PEBP4: variants seen among roughly 807,000 people sequenced by gnomAD.
PEBP4 encodes the protein phosphatidylethanolamine-binding protein 4.
In PEBP4, 22 loss-of-function variants were observed where a neutral mutation model predicts 23.9. The observed-to-expected ratio is 0.92, with a 90% CI of 0.66 to 1.31. PEBP4 has a LOEUF of 1.31. Among genes scored for constraint, PEBP4 ranks in the 40% most tolerant of loss-of-function variants. The pLI is 0.00. For missense variants in PEBP4, 324 were observed against 281.7 expected, an observed-to-expected ratio of 1.15 and a Z score of -1.07; for synonymous variants, 112 against 99.3, an observed-to-expected ratio of 1.13 and a Z score of -0.76.
At chr8:22,925,187 T>C (rs1809298868) in intron 2 of PEBP4, 1 of 985,308 alleles carries the variant, frequency 1.0e-6, no homozygotes, top group Admixed American at 6.1e-5. Context: ...ACAAAGCTCC[T>C]CTTTTGCGAT....
At chr8:22,778,624 G>A (rs1354667398) in intron 4 of PEBP4, among the ~76,000 whole-genome samples, 6 of 152,116 alleles carry the variant, frequency 3.9e-5, no homozygotes, top group Non-Finnish European at 8.8e-5. Flanking sequence ...GGATGGGAAC[G>A]AGGCTTCTGC....
chr8:22,827,790 C>T (rs750806723), intron 3 of PEBP4, among the ~76,000 whole-genome samples: 3 of 152,226 alleles, frequency 2.0e-5, no homozygotes, highest in African/African-American at 4.8e-5. Flanking sequence ...TTATGTTTAA[C>T]ATTTTAAGAA....
chr8:22,899,448 A>G (rs1808666178), intron 3 of PEBP4, among the ~76,000 whole-genome samples: 1 of 152,258 alleles, frequency 6.6e-6, no homozygotes, highest in Non-Finnish European at 1.5e-5. Context: ...CGGAAAAGCC[A>G]CACATGAAAA....
At chr8:22,903,947 G>T (rs564189377) in intron 3 of PEBP4, among the ~76,000 whole-genome samples, 24 of 152,350 alleles carry the variant, frequency 1.6e-4, no homozygotes, top group African/African-American at 5.5e-4. Flanking sequence ...TGGGACTTTT[G>T]CTTAGATGCC....
At chr8:22,939,491 T>C (rs1329608248) in intron 1 of PEBP4, among the ~76,000 whole-genome samples, 2 of 152,132 alleles carry the variant, frequency 1.3e-5, no homozygotes. Context: ...TTGTTTAAAA[T>C]AGTTAAGAAC....
At chr8:22,821,516 T>G (rs1806855991) in intron 3 of PEBP4, among the ~76,000 whole-genome samples, 1 of 151,848 alleles carries the variant, frequency 6.6e-6, no homozygotes, top group Admixed American at 6.6e-5. Context: ...AGGCAGTGAG[T>G]TTGGTGTTGA....
intron 4 of PEBP4, among the ~76,000 whole-genome samples, chr8:22,742,133 C>T (rs768957125): frequency 4.4e-4 from 67 of 152,202 alleles, no homozygotes; most frequent in Non-Finnish European, 8.8e-4. Context: ...AGGCCCACCC[C>T]TAGGCTGTGC....
chr8:22,783,204 A>G lies in PEBP4; in HGVS notation c.357+34433T>C, dbSNP rs566050749. On this transcript the variant is annotated intron_variant, in intron 4 of 6. Coordinates refer to ENST00000256404, the MANE Select transcript of PEBP4 (RefSeq NM_144962.3). ...CATTCCAACCTTTTATTTTGTTTCT[A>G]TATTTAGATCCTTTCTCAGTCCTTT... Among the ~76,000 whole-genome samples the G allele has an allele frequency of 2.2e-4, 34 of 152,224 alleles. 1 individual carries two copies. The South Asian group carries it at 7.0e-3, about 32-fold the overall frequency.
intron 3 of PEBP4, among the ~76,000 whole-genome samples, chr8:22,830,725 A>G (rs1458684667): frequency 6.6e-6 from 1 of 151,786 alleles, no homozygotes; most frequent in Admixed American, 6.6e-5. Flanking sequence ...TTTCCAATCC[A>G]CCGCCAATTC....
intron 3 of PEBP4, among the ~76,000 whole-genome samples, chr8:22,899,807 T>C (rs908641244): frequency 6.6e-6 from 1 of 152,188 alleles, no homozygotes; most frequent in Non-Finnish European, 1.5e-5. Flanking sequence ...TTGTGGGCAT[T>C]ATGTCACTTG....
chr8:22,798,087 G>C (rs528395485), intron 4 of PEBP4, among the ~76,000 whole-genome samples: 5 of 152,296 alleles, frequency 3.3e-5, no homozygotes, highest in African/African-American at 1.2e-4. Flanking sequence ...AGAGGGTTTG[G>C]AGTCATCAGG....
At chr8:22,722,018 GT>G (rs1186868870) in intron 6 of PEBP4, among the ~76,000 whole-genome samples, 7 of 152,104 alleles carry the variant, frequency 4.6e-5, no homozygotes, top group African/African-American at 1.7e-4. Flanking sequence ...ATTCTGGTCA[GT>G]TCTGCCTGCC....
chr8:22,776,764 A>T (rs925641151), intron 4 of PEBP4, among the ~76,000 whole-genome samples: 1 of 149,186 alleles, frequency 6.7e-6, no homozygotes, highest in Non-Finnish European at 1.5e-5. Flanking sequence ...AATGGTTGGT[A>T]AGCCATTTTT....
intron 3 of PEBP4, among the ~76,000 whole-genome samples, chr8:22,840,407 AT>A (rs112350964): frequency 0.013 from 1,888 of 141,332 alleles, 14 homozygotes; most frequent in African/African-American, 0.034. Flanking sequence ...TCTTCTTTTA[AT>A]TTTTTTTTTT....
rs111316870 is a variant in PEBP4, at chr8:22,902,089, C to T, written c.258+18095G>A. Reference sequence around the variant, plus strand: ...ATCCCAGCACTTTGGGAGGCTGAGGCGGGTGGATCACCTGAGGTTAGGAGT... The same window carrying T: ...ATCCCAGCACTTTGGGAGGCTGAGGTGGGTGGATCACCTGAGGTTAGGAGT... On this transcript the variant is annotated intron_variant, in intron 3 of 6. Transcript: ENST00000256404. Among the ~76,000 whole-genome samples the T allele has an allele frequency of 2.2e-4, 34 of 152,242 alleles. 1 individual carries two copies. The highest frequency in any genetic ancestry group is 7.9e-4 in the African/African-American group (33 of 41,538).
chr8:22,845,882 A>G (rs1807423256), intron 3 of PEBP4, among the ~76,000 whole-genome samples: 1 of 152,210 alleles, frequency 6.6e-6, no homozygotes, highest in Admixed American at 6.5e-5. Flanking sequence ...CTGGCCCGGC[A>G]CAGAATGAAT....
At chr8:22,879,496 G>T (rs985729973) in intron 3 of PEBP4, 2 of 152,230 alleles carry the variant, frequency 1.3e-5, no homozygotes, top group South Asian at 2.1e-4. Flanking sequence ...TCAAAAGAGG[G>T]AAAGAACCTT....
intron 3 of PEBP4, among the ~76,000 whole-genome samples, chr8:22,872,732 A>G (rs1808029766): frequency 6.6e-6 from 1 of 152,228 alleles, no homozygotes; most frequent in Non-Finnish European, 1.5e-5. Flanking sequence ...GCTGGAGTAC[A>G]GTGGCGTGAT....
intron 1 of PEBP4, among the ~76,000 whole-genome samples, chr8:22,940,316 G>T (rs1307081601): frequency 1.3e-5 from 2 of 152,128 alleles, no homozygotes; most frequent in African/African-American, 4.8e-5. Flanking sequence ...CAAAATTCAG[G>T]CAGTGAGAAA....
Sources: allele counts gnomAD v4.1 joint callset (sites outside exome capture counted in the v4.1 genomes callset), GRCh38; gene constraint gnomAD v4.1.1; transcripts MANE v1.5; gene names NCBI Gene and HGNC (gene_info 2026-07-23, HGNC 2026-07-21).